Variants in ZBTB44 observed in about 807,000 individuals in gnomAD.
ZBTB44 encodes zinc finger and BTB domain-containing protein 44.
A neutral mutation model predicts 54.0 loss-of-function variants in ZBTB44; 15 were observed. The ratio of observed to expected loss-of-function variants is 0.28; its 90% CI spans 0.19 to 0.43. ZBTB44 has a LOEUF of 0.43. Among genes scored for constraint, ZBTB44 ranks in the 20% least tolerant of loss-of-function variants. The pLI is 1.00. For missense variants in ZBTB44, 487 were observed against 707.1 expected (o/e 0.69, Z 3.53); for synonymous variants, 230 against 250.1 (o/e 0.92, Z 0.76).
At chr11:130,238,771 G>A (rs2136285529) in intron 3 of ZBTB44, 164 bp from the exon 4 acceptor site, 1 of 736,482 alleles carries the variant, frequency 1.4e-6, no homozygotes, top group East Asian at 3.2e-5. Flanking sequence ...GAAAAACAAT[G>A]TTAATGTCCA....
At chr11:130,235,231 C>G in intron 5 of ZBTB44, among the ~76,000 whole-genome samples, 1 of 152,112 alleles carries the variant, frequency 6.6e-6, no homozygotes, top group African/African-American at 2.4e-5. Flanking sequence ...TTAGAATGCC[C>G]TATGTTATAT....
intron 2 of ZBTB44, among the ~76,000 whole-genome samples, chr11:130,256,115 A>G (rs1007472663): frequency 7.2e-4 from 109 of 152,262 alleles, no homozygotes; most frequent in African/African-American, 2.6e-3. Context: ...TCCTGATTCC[A>G]AAACCTGGCA....
At chr11:130,281,688 G>C (rs997041911) in intron 1 of ZBTB44, among the ~76,000 whole-genome samples, 3 of 151,120 alleles carry the variant, frequency 2.0e-5, no homozygotes, top group Non-Finnish European at 2.9e-5. Flanking sequence ...TCCACCTCCC[G>C]GGTTCACGTC....
chr11:130,295,631 A>T, intron 1 of ZBTB44: 1 of 609,596 alleles, frequency 1.6e-6, no homozygotes, highest in Non-Finnish European at 2.5e-6. Context: ...CTCTGAAGTT[A>T]AAAAAAAAAA....
In ZBTB44 at chr11:130,247,849, G is replaced by A. The variant is rs1448403826; in HGVS notation, c.1019-7953C>T. ...CCTAGGAGTGGGGATGGGGTTAGAA[G>A]GACTAGAGAGTTATCTTTTTAAGTA... is the stretch of plus-strand genomic sequence containing the variant. On this transcript the variant is annotated intron_variant, in intron 2 of 7. Coordinates refer to ENST00000357899, the MANE Select transcript of ZBTB44 (RefSeq NM_001301098.2). Among the ~76,000 whole-genome samples the A allele has an allele frequency of 2.6e-5, 4 of 152,166 alleles. No homozygotes were observed. In the East Asian group the frequency reaches 7.7e-4, roughly 29 times the overall value.
intron 1 of ZBTB44, among the ~76,000 whole-genome samples, chr11:130,282,713 G>C (rs1403201892): frequency 6.6e-6 from 1 of 152,156 alleles, no homozygotes; most frequent in African/African-American, 2.4e-5. Context: ...GCAGTATTTT[G>C]AGTAAGAGTG....
At chr11:130,258,969 A>G (rs1938644650) in intron 2 of ZBTB44, among the ~76,000 whole-genome samples, 1 of 152,226 alleles carries the variant, frequency 6.6e-6, no homozygotes, top group Admixed American at 6.5e-5. Flanking sequence ...GTGAACTCCC[A>G]TTCACAATTA....
In ZBTB44 at chr11:130,261,651, G is replaced by A. The variant is rs1938870458; in HGVS notation, c.223C>T (p.His75Tyr). The change falls in exon 2 of 8, where the codon CAT (histidine) becomes TAT (tyrosine). Residue 75 changes from histidine (H) to tyrosine (Y), a missense_variant. Transcript: ENST00000357899. This position sits in a 1 kb window ranked among gnomAD's most constrained non-coding sequence, Gnocchi z 4.8. Reference protein sequence around the residue: ...EDENKNVLDLHHVTVTGFIPL... With the variant: ...EDENKNVLDLYHVTVTGFIPL... ...ATAAAGCCAGTCACTGTAACATGAT[G>A]CAGATCCAACACATTCTTGTTCTCA... is the stretch of plus-strand genomic sequence containing the variant. 1 of 1,614,040 alleles carries A rather than the reference G, an allele frequency of 6.2e-7. No individual in the cohort carries two copies. Among genetic ancestry groups the A allele is most frequent in the Non-Finnish European group, 8.5e-7 (1 of 1,179,890 alleles).
chr11:130,266,654 C>A (rs1181332681), intron 1 of ZBTB44, among the ~76,000 whole-genome samples: 1 of 152,144 alleles, frequency 6.6e-6, no homozygotes, highest in Non-Finnish European at 1.5e-5. Flanking sequence ...TTGATTCCAG[C>A]CTTCATGGAT....
chr11:130,309,993 T>C (rs1942495538), intron 1 of ZBTB44, among the ~76,000 whole-genome samples: 1 of 152,110 alleles, frequency 6.6e-6, no homozygotes, highest in East Asian at 1.9e-4. Flanking sequence ...AAGCTACAGT[T>C]CTATTTTTAT....
chr11:130,295,287 A>C (rs1941573327), intron 1 of ZBTB44, among the ~76,000 whole-genome samples: 1 of 152,206 alleles, frequency 6.6e-6, no homozygotes, highest in South Asian at 2.1e-4. Flanking sequence ...CCAAATGGAG[A>C]CATGTCTCAA....
At chr11:130,281,965 T>C (rs1940559127) in intron 1 of ZBTB44, among the ~76,000 whole-genome samples, 1 of 151,996 alleles carries the variant, frequency 6.6e-6, no homozygotes, top group African/African-American at 2.4e-5. Flanking sequence ...ATACCCTATT[T>C]GCATGAGCCC....
Position 130,286,375 on chromosome 11 carries a change from A to T in ZBTB44, c.-56-24446T>A, listed in dbSNP as rs116862404. On this transcript the variant is annotated intron_variant, in intron 1 of 7. Transcript: ENST00000357899. Reference sequence around the variant, plus strand: ...GTATTTTTAAAATTACAATAAACTTAAAAAAAATCTATTAATTTGAATAGT... The same window carrying T: ...GTATTTTTAAAATTACAATAAACTTTAAAAAAATCTATTAATTTGAATAGT... Among the ~76,000 whole-genome samples, 1,092 of 152,086 alleles carry T rather than the reference A, an allele frequency of 7.2e-3. 9 individuals are homozygous for T. The highest frequency in any genetic ancestry group is 0.024 in the Middle Eastern group (7 of 292).
chr11:130,269,782 G>A (rs1939536613), intron 1 of ZBTB44, among the ~76,000 whole-genome samples: 1 of 152,094 alleles, frequency 6.6e-6, no homozygotes, highest in South Asian at 2.1e-4. Context: ...CTCTAATGAT[G>A]CTTCTGTTTT....
chr11:130,271,943 TGA>T (rs1009963853), intron 1 of ZBTB44, among the ~76,000 whole-genome samples: 53 of 152,228 alleles, frequency 3.5e-4, no homozygotes, highest in African/African-American at 1.2e-3. Context: ...CAAGAGTGTA[TGA>T]GGAGGCTGGA....
chr11:130,301,471 T>G (rs1224268631), intron 1 of ZBTB44, among the ~76,000 whole-genome samples: 1 of 151,814 alleles, frequency 6.6e-6, no homozygotes, highest in Non-Finnish European at 1.5e-5. Flanking sequence ...CTGGGCAACA[T>G]GGTAAGATCA....
chr11:130,275,405 C>G (rs1459410156), intron 1 of ZBTB44, among the ~76,000 whole-genome samples: 1 of 152,154 alleles, frequency 6.6e-6, no homozygotes, highest in East Asian at 1.9e-4. Context: ...TCTCAAACTC[C>G]TGGGCTCAAG....
At chr11:130,295,678 G>T in intron 1 of ZBTB44, 1 of 1,364,046 alleles carries the variant, frequency 7.3e-7, no homozygotes, top group Non-Finnish European at 1.0e-6. Context: ...CAGCATGAAA[G>T]TATCAGACCA....
chr11:130,271,786 G>A lies in ZBTB44; in HGVS notation c.-56-9857C>T, dbSNP rs563250049. 7.2e-5 allele frequency among the ~76,000 whole-genome samples: 11 copies of A among 152,206 alleles called. No individual in the cohort carries two copies. The East Asian group carries it at 1.4e-3, about 19-fold the overall frequency. On this transcript the variant is annotated intron_variant, in intron 1 of 7. Coordinates refer to ENST00000357899, the MANE Select transcript of ZBTB44 (RefSeq NM_001301098.2). Reference sequence around the variant, plus strand: ...ATGAATAATGCTGCTATAAACAATCGTGTAAGTTTTTGTGTGGATGTATGT... The same window carrying A: ...ATGAATAATGCTGCTATAAACAATCATGTAAGTTTTTGTGTGGATGTATGT...
Sources: gnomAD v4.1 joint callset for allele counts (sites outside exome capture counted in the v4.1 genomes callset) on GRCh38, gnomAD v4.1.1 for gene constraint, Gnocchi (gnomAD v3.1) non-coding constraint, MANE v1.5 for transcripts, NCBI Gene and HGNC (gene_info 2026-07-23, HGNC 2026-07-21) for gene names.